SLIT1: variants seen among roughly 807,000 people sequenced by gnomAD.
SLIT1 encodes slit homolog 1 protein.
Under a neutral mutation model 186.1 loss-of-function variants are expected in SLIT1, and 66 were observed. The observed-to-expected ratio is 0.35, with a 90% CI of 0.29 to 0.44. The LOEUF is 0.44. Ranked by LOEUF, SLIT1 falls within the 20% of genes least tolerant of loss-of-function variation. The pLI, the probability that SLIT1 is intolerant of heterozygous loss-of-function variation, is 1.00. For missense variants in SLIT1, 1,638 were observed against 2,037.4 expected, an observed-to-expected ratio of 0.80 and a Z score of 3.77; for synonymous variants, 761 against 833.8, an observed-to-expected ratio of 0.91 and a Z score of 1.50.
At chr10:97,167,238 C>T (rs1008432873) in intron 1 of SLIT1, among the ~76,000 whole-genome samples, 14 of 152,142 alleles carry the variant, frequency 9.2e-5, no homozygotes, top group African/African-American at 3.4e-4. Context: ...TATTATTTCC[C>T]GAAACAGCCA....
At chr10:97,063,071 G>A (rs954899478) in intron 8 of SLIT1, among the ~76,000 whole-genome samples, 10 of 152,204 alleles carry the variant, frequency 6.6e-5, no homozygotes, top group Non-Finnish European at 8.8e-5. Flanking sequence ...AGAGGACATC[G>A]GAGGAGGCAC....
chr10:97,183,217 T>C (rs1850365860), intron 1 of SLIT1, among the ~76,000 whole-genome samples: 1 of 152,174 alleles, frequency 6.6e-6, no homozygotes, highest in African/African-American at 2.4e-5. Flanking sequence ...TCCTGAGAGC[T>C]CACCATTAGA....
At chr10:97,032,927 A>G (rs1297259019) in intron 23 of SLIT1, among the ~76,000 whole-genome samples, 1 of 152,238 alleles carries the variant, frequency 6.6e-6, no homozygotes, top group Non-Finnish European at 1.5e-5. Context: ...ATTTGTATGT[A>G]AAACCCTAGA....
chr10:97,142,185 TA>T (rs58455720), intron 4 of SLIT1, among the ~76,000 whole-genome samples: 28 of 150,634 alleles, frequency 1.9e-4, no homozygotes, highest in Admixed American at 2.0e-4. Flanking sequence ...TCTCTCTTCT[TA>T]AAAAAAAACA....
chr10:97,004,286 G>A lies in SLIT1; in HGVS notation c.3711-64C>T, dbSNP rs1275150365. The stretch of plus-strand genomic sequence containing the variant: ...ATCAGTCTGGACCATCCCTGCCTGG[G>A]CACTTCCCCAGAAACACCAGTAGCT... On this transcript the variant is annotated intron_variant, in intron 33 of 36. Coordinates refer to ENST00000266058, the MANE Select transcript of SLIT1 (RefSeq NM_003061.3). This position sits in a 1 kb window ranked among gnomAD's most constrained non-coding sequence, Gnocchi z 5.1. 2.7e-5 allele frequency: 41 copies of A among 1,516,908 alleles called. No homozygotes were observed. The highest frequency in any genetic ancestry group is 3.5e-5 in the Non-Finnish European group (39 of 1,113,096). The allele number at this position is 1,516,908 out of a possible 1,614,324, so 94.0% of individuals were successfully genotyped here. A position where few individuals can be genotyped will look rare whatever the true frequency, so the allele number is the denominator to read the frequency against.
rs1227926002 is a variant in SLIT1, at chr10:97,003,004, G to A, written c.3866-12C>T. ...ATCCACGGGCATCCCTGGGGTAGGG[G>A]AGGGAGCAGAGCTGGGCTGAGTAAA... On this transcript the variant is annotated splice_polypyrimidine_tract_variant and intron_variant, in intron 34 of 36. Coordinates refer to ENST00000266058, the MANE Select transcript of SLIT1 (RefSeq NM_003061.3). The A allele has an allele frequency of 2.5e-6, 4 of 1,610,200 alleles. No homozygotes were observed. The highest frequency in any genetic ancestry group is 3.3e-5 in the Admixed American group (2 of 59,896).
intron 4 of SLIT1, among the ~76,000 whole-genome samples, chr10:97,128,095 G>A (rs371443071): frequency 2.6e-5 from 4 of 151,550 alleles, no homozygotes; most frequent in South Asian, 2.1e-4. Context: ...TTGCATTGAC[G>A]CCTTCTTCCC....
At position 97,065,998 on chromosome 10, in the gene SLIT1, C is replaced by A. The variant is rs1248360863; in HGVS notation, c.485+17G>T. On this transcript the variant is annotated intron_variant, in intron 5 of 36. Coordinates refer to ENST00000266058, the MANE Select transcript of SLIT1 (RefSeq NM_003061.3). The stretch of plus-strand genomic sequence containing the variant: ...CTGGAGCCCCCACACCCTTCTCCCT[C>A]CCAGGCCTGTACTCACAAATTTTTA... The A allele has an allele frequency of 6.3e-7, 1 of 1,586,812 alleles. No individual in the cohort carries two copies. The highest frequency in any genetic ancestry group is 8.6e-7 in the Non-Finnish European group (1 of 1,161,962).
chr10:97,089,384 C>T (rs1849204605), intron 4 of SLIT1, among the ~76,000 whole-genome samples: 1 of 152,176 alleles, frequency 6.6e-6, no homozygotes, highest in South Asian at 2.1e-4. Flanking sequence ...ACCTGACAGC[C>T]AGCTAAGGTG....
chr10:97,167,870 G>A (rs1488203978), intron 1 of SLIT1, among the ~76,000 whole-genome samples: 8 of 152,206 alleles, frequency 5.3e-5, no homozygotes, highest in African/African-American at 1.9e-4. Flanking sequence ...GCCATGTGAA[G>A]AAGGATGTGT....
In SLIT1 at chr10:97,096,685, C is replaced by T. The variant is rs541768716; in HGVS notation, c.414-30599G>A. ...CAGCCCACCCGCCCCAGCTCGACCC[C>T]GAGAGAGGGGAGGCGGAGAGCCCCC... is the stretch of plus-strand genomic sequence containing the variant. On this transcript the variant is annotated intron_variant, in intron 4 of 36. Transcript: ENST00000266058. Among the ~76,000 whole-genome samples, 163 of 152,236 alleles carry T rather than the reference C, an allele frequency of 1.1e-3. 3 individuals carry two copies. The highest frequency in any genetic ancestry group is 2.9e-4 in the African/African-American group (12 of 41,532).
intron 4 of SLIT1, among the ~76,000 whole-genome samples, chr10:97,125,533 C>CAAAAA (rs34143370): frequency 2.6e-5 from 3 of 115,540 alleles, no homozygotes; most frequent in Non-Finnish European, 3.4e-5. Flanking sequence ...GACCCTGTGT[C>CAAAAA]AAAAAAAAAA....
chr10:97,055,655 C>G (rs976186615), intron 13 of SLIT1, among the ~76,000 whole-genome samples: 2 of 152,218 alleles, frequency 1.3e-5, no homozygotes, highest in Non-Finnish European at 2.9e-5. Context: ...GAGGCATGAG[C>G]CACCATGCCC....
intron 4 of SLIT1, among the ~76,000 whole-genome samples, chr10:97,096,524 T>C (rs898491092): frequency 6.6e-6 from 1 of 152,118 alleles, no homozygotes; most frequent in Non-Finnish European, 1.5e-5. Context: ...CACTCCCTCA[T>C]GATTATCAGC....
rs1306325785 is a variant in SLIT1, at chr10:97,047,074, G to A, written c.1635-9C>T. ...CATTGTTATTCAATCGCCTGTAAGA[G>A]ACAAGAATGAACTTGCACATTCACA... On this transcript the variant is annotated splice_polypyrimidine_tract_variant and intron_variant, in intron 16 of 36. Coordinates refer to ENST00000266058, the MANE Select transcript of SLIT1 (RefSeq NM_003061.3). The A allele has an allele frequency of 1.3e-6, 2 of 1,578,734 alleles. No homozygotes were observed. The highest frequency in any genetic ancestry group is 2.2e-5 in the East Asian group (1 of 44,704).
In SLIT1 at chr10:97,090,016, C is replaced by A. The variant is rs188003248; in HGVS notation, c.414-23930G>T. Among the ~76,000 whole-genome samples the A allele has an allele frequency of 1.8e-3, 279 of 152,310 alleles. 4 individuals are homozygous for A. Among genetic ancestry groups the A allele is most frequent in the Non-Finnish European group, 5.4e-4 (37 of 68,032 alleles). ...AAGTAAGCATGTGAAGCATTCAGCT[C>A]AGTCCCTGCTGGCACATGTGTCTGT... On this transcript the variant is annotated intron_variant, in intron 4 of 36. Transcript: ENST00000266058.
intron 4 of SLIT1, chr10:97,103,447 G>C (rs1187675466): frequency 6.6e-6 from 1 of 152,154 alleles, no homozygotes; most frequent in East Asian, 1.9e-4. Context: ...AACCAGAAAG[G>C]AACCCACCAT....
intron 4 of SLIT1, among the ~76,000 whole-genome samples, chr10:97,126,192 G>A (rs748073411): frequency 2.0e-5 from 3 of 152,118 alleles, no homozygotes; most frequent in South Asian, 2.1e-4. Context: ...GTTCTGTTTC[G>A]CTTACACAGA....
intron 4 of SLIT1, among the ~76,000 whole-genome samples, chr10:97,134,120 T>C (rs760943067): frequency 1.3e-5 from 2 of 152,078 alleles, no homozygotes; most frequent in Non-Finnish European, 2.9e-5. Context: ...TCTTCTGCCA[T>C]CTCAAGAGGC....
Sources: gnomAD v4.1 joint callset for allele counts (sites outside exome capture counted in the v4.1 genomes callset) on GRCh38, gnomAD v4.1.1 for gene constraint, Gnocchi (gnomAD v3.1) non-coding constraint, MANE v1.5 for transcripts, NCBI Gene and HGNC (gene_info 2026-07-23, HGNC 2026-07-21) for gene names.